Variants in INSYN2B observed in about 807,000 individuals in gnomAD.
INSYN2B encodes the protein protein INSYN2B.
In INSYN2B, 16 loss-of-function variants were observed where a neutral mutation model predicts 41.2. The observed-to-expected ratio is 0.39, with a 90% CI of 0.26 to 0.59. The LOEUF (loss-of-function observed/expected upper bound fraction) is 0.59, where lower values mean the gene tolerates loss of function less well. Ranked by LOEUF, INSYN2B falls within the 20% of genes least tolerant of loss-of-function variation. The pLI is 0.57. For missense variants in INSYN2B, 608 were observed against 646.4 expected (o/e 0.94, Z 0.64); for synonymous variants, 245 against 244.4 (o/e 1.00, Z -0.02).
At chr5:169,890,860 T>G (rs1299157821) in intron 1 of INSYN2B, among the ~76,000 whole-genome samples, 1 of 152,152 alleles carries the variant, frequency 6.6e-6, no homozygotes, top group Non-Finnish European at 1.5e-5. Context: ...ACTGTGAGTG[T>G]CCCCCTCTCT....
chr5:169,868,037 A>G (rs988976828), intron 3 of INSYN2B, among the ~76,000 whole-genome samples: 1 of 152,202 alleles, frequency 6.6e-6, no homozygotes, highest in Non-Finnish European at 1.5e-5. Flanking sequence ...ACAGAAAAAC[A>G]ATCTTCATCA....
chr5:169,958,231 A>G (rs1262509983), intron 1 of INSYN2B, among the ~76,000 whole-genome samples: 1 of 151,956 alleles, frequency 6.6e-6, no homozygotes, highest in Non-Finnish European at 1.5e-5. Flanking sequence ...TGTTTTGCAA[A>G]AAAAAAAGGC....
chr5:169,924,240 G>A (rs1035373840), intron 1 of INSYN2B, among the ~76,000 whole-genome samples: 1 of 152,178 alleles, frequency 6.6e-6, no homozygotes, highest in East Asian at 1.9e-4. Flanking sequence ...ACTAGCTCTG[G>A]CCCTGAGCTG....
At chr5:169,878,631 G>A (rs1772463786) in intron 3 of INSYN2B, among the ~76,000 whole-genome samples, 1 of 152,176 alleles carries the variant, frequency 6.6e-6, no homozygotes, top group Non-Finnish European at 1.5e-5. Flanking sequence ...TAGGTTATTG[G>A]AAGGATTGAA....
At chr5:169,918,772 G>T (rs974619472) in intron 1 of INSYN2B, among the ~76,000 whole-genome samples, 2 of 152,090 alleles carry the variant, frequency 1.3e-5, no homozygotes, top group African/African-American at 4.8e-5. Context: ...AATTAACCAG[G>T]CGTGGTGGCA....
chr5:169,890,695 G>A (rs1056867628), intron 1 of INSYN2B, among the ~76,000 whole-genome samples: 6 of 152,126 alleles, frequency 3.9e-5, no homozygotes, highest in Non-Finnish European at 8.8e-5. Flanking sequence ...CAAAAGGTGA[G>A]GTTAAGATCC....
At chr5:169,878,751 T>A (rs1581344385) in intron 3 of INSYN2B, among the ~76,000 whole-genome samples, 2 of 152,214 alleles carry the variant, frequency 1.3e-5, no homozygotes, top group African/African-American at 2.4e-5. Context: ...CTAGGATTAA[T>A]GCTAAGGAGA....
intron 1 of INSYN2B, among the ~76,000 whole-genome samples, chr5:169,912,837 A>G (rs1023004602): frequency 2.6e-5 from 4 of 151,828 alleles, no homozygotes; most frequent in African/African-American, 9.7e-5. Flanking sequence ...TCTAGGAGGT[A>G]CTTCTTTTTT....
chr5:169,895,869 A>G (rs1323817012), intron 1 of INSYN2B, among the ~76,000 whole-genome samples: 1 of 152,170 alleles, frequency 6.6e-6, no homozygotes, highest in Non-Finnish European at 1.5e-5. Context: ...TAGATATAGT[A>G]AGAATCAGCC....
At chr5:169,961,733 T>G (rs964614925) in intron 1 of INSYN2B, among the ~76,000 whole-genome samples, 3 of 151,986 alleles carry the variant, frequency 2.0e-5, no homozygotes, top group African/African-American at 7.3e-5. Context: ...ATCCCAGCAC[T>G]TTGGGAGGCC....
At chr5:169,901,887 A>C (rs945658885) in intron 1 of INSYN2B, among the ~76,000 whole-genome samples, 1 of 152,186 alleles carries the variant, frequency 6.6e-6, no homozygotes, top group Admixed American at 6.5e-5. Flanking sequence ...CTTCCTCTGC[A>C]TGGTGGCCGC....
intron 1 of INSYN2B, among the ~76,000 whole-genome samples, chr5:169,978,555 C>T (rs904716504): frequency 1.4e-4 from 21 of 152,072 alleles, no homozygotes; most frequent in African/African-American, 4.8e-4. Context: ...GTGCTAATCT[C>T]CTGATCACAA....
chr5:169,973,738 G>A (rs917226617), intron 1 of INSYN2B, among the ~76,000 whole-genome samples: 2 of 152,160 alleles, frequency 1.3e-5, no homozygotes, highest in Admixed American at 6.5e-5. Flanking sequence ...AAAACAGGAG[G>A]GGTGTCCTCA....
chr5:169,903,238 A>G (rs1421462389), intron 1 of INSYN2B, among the ~76,000 whole-genome samples: 2 of 150,816 alleles, frequency 1.3e-5, no homozygotes, highest in Non-Finnish European at 2.9e-5. Flanking sequence ...GATCGCACCT[A>G]TTAATAGCCA....
chr5:169,903,585 A>G (rs992064216), intron 1 of INSYN2B, among the ~76,000 whole-genome samples: 2 of 152,112 alleles, frequency 1.3e-5, no homozygotes, highest in Non-Finnish European at 2.9e-5. Flanking sequence ...AAGGGAAGTC[A>G]CTTCAGGACA....
chr5:169,883,333 G>A lies in INSYN2B; in HGVS notation c.566C>T (p.Ala189Val). The change falls in exon 2 of 4, where the codon GCA (alanine) becomes GTA (valine). Residue 189 changes from alanine (A) to valine (V), a missense_variant. Physicochemically the swap from Ala to Val is moderately conservative, Grantham distance 64 (BLOSUM62 0). Transcript: ENST00000377365. ...TTTCTCTAAGGACCTCCAAGTTCCT[G>A]CTTCCAAGCATATGCTAACAGGACC... ...SNGPVSICLE[A>V]GTWRSLEKAT... The A allele has an allele frequency of 1.9e-6, 3 of 1,551,594 alleles. No homozygotes were observed. The highest frequency in any genetic ancestry group is 2.7e-5 in the African/African-American group (2 of 73,156).
intron 1 of INSYN2B, among the ~76,000 whole-genome samples, chr5:169,898,942 G>A (rs757683283): frequency 6.6e-6 from 1 of 152,138 alleles, no homozygotes. Context: ...GTGGTAGAAT[G>A]GTGGATTCAA....
intron 1 of INSYN2B, among the ~76,000 whole-genome samples, chr5:169,936,710 C>T (rs1776018706): frequency 6.6e-6 from 1 of 151,700 alleles, no homozygotes; most frequent in Non-Finnish European, 1.5e-5. Context: ...GGGCGCGCTC[C>T]AGCCTATATA....
chr5:169,865,318 A>C (rs939478790), intron 3 of INSYN2B, among the ~76,000 whole-genome samples: 2 of 152,164 alleles, frequency 1.3e-5, no homozygotes, highest in Non-Finnish European at 2.9e-5. Context: ...CCCTGAGGTC[A>C]GGGGAGGTGG....
Sources: gnomAD v4.1 joint callset for allele counts (sites outside exome capture counted in the v4.1 genomes callset) on GRCh38, gnomAD v4.1.1 for gene constraint, MANE v1.5 for transcripts, NCBI Gene and HGNC (gene_info 2026-07-23, HGNC 2026-07-21) for gene names.